Variants in KAZN observed in about 807,000 individuals in gnomAD.
KAZN encodes kazrin, periplakin interacting protein, also known as kazrin.
In KAZN, 40 loss-of-function variants were observed where a neutral mutation model predicts 87.4. The ratio of observed to expected loss-of-function variants is 0.46; its 90% CI spans 0.36 to 0.60. The LOEUF (loss-of-function observed/expected upper bound fraction) is 0.60, where lower values mean the gene tolerates loss of function less well. Among genes scored for constraint, KAZN ranks in the 20% least tolerant of loss-of-function variants. KAZN has a pLI of 0.00. For synonymous variants in KAZN, 466 were observed against 458.3 expected (o/e 1.02, Z -0.22); for missense variants, 898 against 1,073.9 (o/e 0.84, Z 2.29).
chr1:14,943,005 GTGGTGT>G lies in KAZN; in HGVS notation c.227-17678_227-17673del, dbSNP rs1412041316. 2.8e-4 allele frequency among the ~76,000 whole-genome samples: 32 copies of G among 113,274 alleles called. 1 individual carries two copies. In the South Asian group the frequency reaches 7.1e-3, roughly 25 times the overall value. The allele number at this position is 113,274 out of a possible 152,430, so 74.3% of individuals were successfully genotyped here. ...GGATGTGAGCTGCGTGTGTGTGTGT[GTGGTGT>G]GTGTGTGTGTGTGTGTGTGTGTGTG... is the stretch of plus-strand genomic sequence containing the variant. On this transcript the variant is annotated intron_variant, in intron 1 of 14. Coordinates refer to ENST00000376030, the MANE Select transcript of KAZN (RefSeq NM_201628.3).
At chr1:14,927,771 A>G (rs1448347853) in intron 1 of KAZN, among the ~76,000 whole-genome samples, 2 of 151,928 alleles carry the variant, frequency 1.3e-5, no homozygotes, top group Non-Finnish European at 2.9e-5. Flanking sequence ...CACATCCTCT[A>G]CCTTTTTAAA....
intron 2 of KAZN, among the ~76,000 whole-genome samples, chr1:14,496,460 TG>T (rs1199470552): frequency 6.6e-6 from 1 of 152,192 alleles, no homozygotes; most frequent in Non-Finnish European, 1.5e-5. Flanking sequence ...GCTAGAGATT[TG>T]ATTTAATCCT....
intron 2 of KAZN, among the ~76,000 whole-genome samples, chr1:14,392,484 T>G (rs984512347): frequency 6.6e-6 from 1 of 152,122 alleles, no homozygotes; most frequent in African/African-American, 2.4e-5. Flanking sequence ...CACCAGACCC[T>G]GTGGAGGGTG....
At chr1:14,638,958 G>A (rs2148671858) in intron 1 of KAZN, among the ~76,000 whole-genome samples, 1 of 152,258 alleles carries the variant, frequency 6.6e-6, no homozygotes, top group Non-Finnish European at 1.5e-5. Context: ...CCCTTCAGTG[G>A]CTCCCTGTTG....
chr1:14,124,444 G>A (rs537137468), intron 1 of KAZN: 8 of 152,358 alleles, frequency 5.3e-5, no homozygotes, highest in East Asian at 1.9e-4. Flanking sequence ...TCTGGGTTCA[G>A]TCTCATCTTA....
chr1:14,547,995 T>C (rs942690489), intron 2 of KAZN, among the ~76,000 whole-genome samples: 1 of 150,898 alleles, frequency 6.6e-6, no homozygotes, highest in East Asian at 1.9e-4. Flanking sequence ...AAGAATTGTC[T>C]TGGGCCACAC....
chr1:15,025,586 G>A (rs903485647), intron 2 of KAZN, among the ~76,000 whole-genome samples: 3 of 152,200 alleles, frequency 2.0e-5, no homozygotes, highest in East Asian at 1.9e-4. Flanking sequence ...CTTCCCTGGC[G>A]TGTTACTGGA....
At chr1:15,054,665 AG>A (rs753788735) in intron 4 of KAZN, among the ~76,000 whole-genome samples, 47 of 150,314 alleles carry the variant, frequency 3.1e-4, no homozygotes, top group South Asian at 2.5e-3. Flanking sequence ...AAAAAAAAAA[AG>A]AAGAAGAAGA....
At chr1:14,041,329 C>T (rs1641831632) in intron 1 of KAZN, among the ~76,000 whole-genome samples, 1 of 152,142 alleles carries the variant, frequency 6.6e-6, no homozygotes, top group Non-Finnish European at 1.5e-5. Flanking sequence ...TTGTTTACTT[C>T]TAAGCCAGGG....
chr1:14,774,417 C>G (rs1196364788), intron 1 of KAZN, among the ~76,000 whole-genome samples: 1 of 151,956 alleles, frequency 6.6e-6, no homozygotes, highest in Admixed American at 6.5e-5. Flanking sequence ...TTCCCCTTCT[C>G]ACACCCACAC....
At chr1:14,096,864 G>A (rs1038664811) in intron 1 of KAZN, among the ~76,000 whole-genome samples, 1 of 152,204 alleles carries the variant, frequency 6.6e-6, no homozygotes, top group Non-Finnish European at 1.5e-5. Flanking sequence ...AGATTCTGTT[G>A]TGCATCACAG....
chr1:15,008,262 C>T (rs926199507), intron 2 of KAZN, among the ~76,000 whole-genome samples: 9 of 152,124 alleles, frequency 5.9e-5, no homozygotes, highest in African/African-American at 1.4e-4. Flanking sequence ...CTGCCAGAGT[C>T]GTGGAGGAAA....
intron 2 of KAZN, among the ~76,000 whole-genome samples, chr1:14,322,572 C>T (rs2100843457): frequency 6.6e-6 from 1 of 152,260 alleles, no homozygotes; most frequent in Admixed American, 6.5e-5. Context: ...CAGTCTCCTA[C>T]CTAAAGAAAA....
intron 1 of KAZN, among the ~76,000 whole-genome samples, chr1:14,796,735 G>C (rs951314692): frequency 2.6e-5 from 4 of 152,224 alleles, no homozygotes; most frequent in Admixed American, 6.5e-5. Context: ...TAACACGAGA[G>C]TCCTCGCCCC....
At chr1:14,056,147 C>T (rs1282990771) in intron 1 of KAZN, among the ~76,000 whole-genome samples, 1 of 152,220 alleles carries the variant, frequency 6.6e-6, no homozygotes, top group Non-Finnish European at 1.5e-5. Context: ...CAGGCCTTTG[C>T]CCAACTGTGG....
intron 2 of KAZN, among the ~76,000 whole-genome samples, chr1:14,281,544 C>T (rs1557613539): frequency 6.6e-6 from 1 of 152,178 alleles, no homozygotes; most frequent in Admixed American, 6.5e-5. Context: ...CTCATGGTGT[C>T]CTGAAGTAAG....
chr1:15,104,238 G>T, intron 13 of KAZN, 49 bp downstream of exon 13: 2 of 1,487,338 alleles, frequency 1.3e-6, no homozygotes, highest in Middle Eastern at 1.8e-4. Flanking sequence ...GTACAGTACA[G>T]CTCAGGGCTT....
intron 1 of KAZN, among the ~76,000 whole-genome samples, chr1:14,112,491 T>C (rs542229847): frequency 2.7e-4 from 41 of 152,246 alleles, no homozygotes; most frequent in Middle Eastern, 6.8e-3. Flanking sequence ...AGAAAGAACT[T>C]TGTTGGGAGC....
intron 2 of KAZN, among the ~76,000 whole-genome samples, chr1:14,519,863 C>A (rs571884250): frequency 3.4e-4 from 52 of 152,098 alleles, no homozygotes; most frequent in African/African-American, 1.2e-3. Flanking sequence ...CCTGGGTTGG[C>A]CTCACAGGGT....
Sources: allele counts gnomAD v4.1 joint callset (sites outside exome capture counted in the v4.1 genomes callset), GRCh38; gene constraint gnomAD v4.1.1; transcripts MANE v1.5; gene names NCBI Gene and HGNC (gene_info 2026-07-23, HGNC 2026-07-21).